Variants in SORL1 observed in about 807,000 individuals in gnomAD.
SORL1 encodes sortilin-related receptor.
In SORL1, 127 loss-of-function variants were observed where a neutral mutation model predicts 273.7. The ratio of observed to expected loss-of-function variants is 0.46; its 90% CI spans 0.40 to 0.54. The LOEUF (loss-of-function observed/expected upper bound fraction) is 0.54. Ranked by LOEUF, SORL1 falls within the 20% of genes least tolerant of loss-of-function variation. The probability of loss-of-function intolerance (pLI) is 0.00; values close to 1 mark genes in which losing one functional copy is unlikely to be tolerated. For synonymous variants in SORL1, 1,031 were observed against 1,067.4 expected, an observed-to-expected ratio of 0.97 and a Z score of 0.66; for missense variants, 2,494 against 2,846.1, an observed-to-expected ratio of 0.88 and a Z score of 2.81.
chr11:121,463,286 A>G (rs571548594), intron 1 of SORL1, among the ~76,000 whole-genome samples: 1 of 151,600 alleles, frequency 6.6e-6, no homozygotes, highest in Admixed American at 6.6e-5. Context: ...CTGGTAAATT[A>G]AGGGGTGATA....
chr11:121,625,710 G>A (rs569965284), intron 46 of SORL1, among the ~76,000 whole-genome samples: 104 of 152,110 alleles, frequency 6.8e-4, no homozygotes, highest in South Asian at 4.6e-3. Context: ...GCCCCGCCCC[G>A]GCTTCATCTT....
chr11:121,455,941 C>T (rs546061276), intron 1 of SORL1, among the ~76,000 whole-genome samples: 5 of 150,938 alleles, frequency 3.3e-5, no homozygotes, highest in South Asian at 4.2e-4. Flanking sequence ...TGCAGTGAGC[C>T]GAGATCGCGC....
At chr11:121,576,188 A>C (rs1285163608) in intron 24 of SORL1, among the ~76,000 whole-genome samples, 1 of 152,204 alleles carries the variant, frequency 6.6e-6, no homozygotes, top group Non-Finnish European at 1.5e-5. Flanking sequence ...TAATTTATAA[A>C]CAATAGTATT....
In SORL1 at chr11:121,604,343, G is replaced by T; in HGVS notation, c.4651+19G>T. On this transcript the variant is annotated intron_variant, in intron 33 of 47. Transcript: ENST00000260197. ...TGCAGTGGTGAGTGCCGGTCCACGG[G>T]CTGGGCTGGGCTGGGCTGGGCTGGG... 1 of 1,603,178 alleles carries T rather than the reference G, an allele frequency of 6.2e-7. No individual in the cohort carries two copies. Among genetic ancestry groups the T allele is most frequent in the Non-Finnish European group, 8.5e-7 (1 of 1,175,264 alleles).
chr11:121,452,409 T>A lies in SORL1; in HGVS notation c.78T>A (p.Ala26=). 1 of 1,527,666 alleles carries A rather than the reference T, an allele frequency of 6.5e-7. No homozygotes were observed. Among genetic ancestry groups the A allele is most frequent in the Non-Finnish European group, 8.8e-7 (1 of 1,140,718 alleles). The allele number at this position is 1,527,666 out of a possible 1,614,324, so 94.6% of individuals were successfully genotyped here. A position where few individuals can be genotyped will look rare whatever the true frequency, so the allele number is the denominator to read the frequency against. The change falls in exon 1 of 48, where the codon GCT becomes GCA. Residue 26 remains alanine, a synonymous_variant. Coordinates refer to ENST00000260197, the MANE Select transcript of SORL1 (RefSeq NM_003105.6). This position sits in a 1 kb window ranked among gnomAD's most constrained non-coding sequence, Gnocchi z 5.3. The stretch of plus-strand genomic sequence containing the variant: ...TGGTCGCACTGCTGCCGCCCGGAGC[T>A]CTCTGCGAAGTCTGGACGCAGAGGC... ...FTLVALLPPG[A]LCEVWTQRLH...
In SORL1 at chr11:121,632,472, ACT is replaced by A. The variant is rs1441740376; in HGVS notation, c.*2912_*2913del. 6.6e-6 allele frequency: 1 copy of A among 150,750 alleles called. No homozygotes were observed. The highest frequency in any genetic ancestry group is 2.4e-5 in the African/African-American group (1 of 40,914). The allele number at this position is 150,750 out of a possible 1,614,324, so 9.3% of individuals were successfully genotyped here. A position where few individuals can be genotyped will look rare whatever the true frequency, so the allele number is the denominator to read the frequency against. The stretch of plus-strand genomic sequence containing the variant: ...TTATCATTCTGGGTAACTGGTTGAA[ACT>A]CTGACTTTTGGACAAGTAATTCCTG... On this transcript the variant is annotated 3_prime_UTR_variant, in exon 48 of 48. Coordinates refer to ENST00000260197, the MANE Select transcript of SORL1 (RefSeq NM_003105.6).
chr11:121,498,684 T>G (rs1172616955), intron 6 of SORL1, among the ~76,000 whole-genome samples: 1 of 152,132 alleles, frequency 6.6e-6, no homozygotes, highest in Non-Finnish European at 1.5e-5. Flanking sequence ...GAGACGAGCC[T>G]GGTCAACATG....
chr11:121,583,070 A>T (rs58698151), intron 25 of SORL1, among the ~76,000 whole-genome samples: 25,055 of 152,128 alleles, frequency 0.16, 2,737 homozygotes, highest in African/African-American at 0.31. Flanking sequence ...TAGCAGAAGA[A>T]GTGCAGGCTT....
At chr11:121,599,989 T>C (rs1339383729) in intron 32 of SORL1, among the ~76,000 whole-genome samples, 1 of 152,220 alleles carries the variant, frequency 6.6e-6, no homozygotes, top group African/African-American at 2.4e-5. Context: ...CTTTTTAAAG[T>C]GGCCCTATCT....
intron 6 of SORL1, among the ~76,000 whole-genome samples, chr11:121,499,039 C>T (rs1861672414): frequency 4.6e-5 from 7 of 152,120 alleles, no homozygotes; most frequent in Admixed American, 4.6e-4. Context: ...TTGTTTTGAT[C>T]TCACCGATAC....
At chr11:121,619,042 C>T (rs971595356) in intron 42 of SORL1, 149 bp downstream of exon 42, 2 of 804,540 alleles carry the variant, frequency 2.5e-6, no homozygotes, top group African/African-American at 3.5e-5. Flanking sequence ...TAAGCATCAT[C>T]AGGTTCTTGC....
intron 6 of SORL1, among the ~76,000 whole-genome samples, chr11:121,502,336 C>T (rs1861724186): frequency 6.6e-6 from 1 of 151,930 alleles, no homozygotes; most frequent in Non-Finnish European, 1.5e-5. Flanking sequence ...CAGGGTTTCA[C>T]TGTGTTAGCC....
rs1355250905 is a variant in SORL1, at chr11:121,452,316, T to C, written c.-16T>C. ...CTCCTGGCGGCGGCGCCACCTGCAG[T>C]AGCGTTCGCCCGAACATGGCGACAC... On this transcript the variant is annotated 5_prime_UTR_variant, in exon 1 of 48. Transcript: ENST00000260197. The surrounding 1 kb of genome is among the most constrained non-coding windows in gnomAD (Gnocchi z 5.3). 1.8e-5 allele frequency: 28 copies of C among 1,517,288 alleles called. No homozygotes were observed. The highest frequency in any genetic ancestry group is 2.5e-5 in the Non-Finnish European group (28 of 1,135,794). The allele number at this position is 1,517,288 out of a possible 1,614,324, so 94.0% of individuals were successfully genotyped here.
chr11:121,475,324 G>GA (rs1861247558), intron 2 of SORL1, among the ~76,000 whole-genome samples: 4 of 152,084 alleles, frequency 2.6e-5, no homozygotes, highest in Non-Finnish European at 5.9e-5. Context: ...TGTCATGTTG[G>GA]AATTTTTCAA....
intron 6 of SORL1, among the ~76,000 whole-genome samples, chr11:121,504,411 CA>C (rs547575317): frequency 1.1e-4 from 16 of 144,928 alleles, no homozygotes; most frequent in East Asian, 6.0e-4. Context: ...GACTCTGTCT[CA>C]AAAAAAAAAA....
chr11:121,465,960 T>G (rs1056081952), intron 1 of SORL1, among the ~76,000 whole-genome samples: 2 of 152,078 alleles, frequency 1.3e-5, no homozygotes, highest in African/African-American at 4.8e-5. Flanking sequence ...CAGGTGATCT[T>G]TGGGGGGTGG....
rs941159248 is a variant in SORL1, at chr11:121,514,169, T to A, written c.1059T>A (p.Asp353Glu). Reference protein sequence around the residue: ...RHPINEYYIADASEDQVFVCV... With the variant: ...RHPINEYYIAEASEDQVFVCV... ...TTCCAAAGGAATATTACATCGCAGA[T>A]GCCTCCGAGGACCAGGTGTTTGTGT... Residue 353 changes from aspartate to glutamate, a missense_variant, in exon 8 of 48, where the codon GAT becomes GAA. Physicochemically the swap from Asp to Glu is conservative, Grantham distance 45 (BLOSUM62 2). This residue lies in a region of SORL1 where 710 missense variants were observed against 882.5 expected (regional missense o/e 0.80). Transcript: ENST00000260197. The A allele has an allele frequency of 1.2e-6, 2 of 1,613,118 alleles. No individual in the cohort carries two copies. Among genetic ancestry groups the A allele is most frequent in the Non-Finnish European group, 1.7e-6 (2 of 1,179,772 alleles).
At chr11:121,509,724 C>G (rs540281415) in intron 6 of SORL1, among the ~76,000 whole-genome samples, 75 of 152,284 alleles carry the variant, frequency 4.9e-4, no homozygotes, top group Middle Eastern at 6.8e-3. Flanking sequence ...ATCTGCCCAC[C>G]TCGGCCTCCC....
chr11:121,556,882 C>T (rs904504973), intron 18 of SORL1: 2 of 161,014 alleles, frequency 1.2e-5, no homozygotes, highest in African/African-American at 4.8e-5. Context: ...AATATGAGTC[C>T]CACCTGTGGA....
Sources: gnomAD v4.1 joint callset for allele counts (sites outside exome capture counted in the v4.1 genomes callset) on GRCh38, gnomAD v4.1.1 for gene constraint, gnomAD v4.1.1 regional missense constraint, Gnocchi (gnomAD v3.1) non-coding constraint, MANE v1.5 for transcripts, NCBI Gene and HGNC (gene_info 2026-07-23, HGNC 2026-07-21) for gene names.